The following C8orf89 variants were observed in gnomAD, a reference collection of about 807,000 sequenced individuals.
The protein encoded by C8orf89 is putative uncharacterized protein C8orf89.
Under a neutral mutation model 15.8 loss-of-function variants are expected in C8orf89, and 14 were observed. The ratio of observed to expected loss-of-function variants is 0.89; its 90% CI spans 0.59 to 1.39. The LOEUF is 1.39. Among genes scored for constraint, C8orf89 ranks in the 40% most tolerant of loss-of-function variants. The probability of loss-of-function intolerance (pLI) is 0.00; values close to 1 mark genes in which losing one functional copy is unlikely to be tolerated. For missense variants in C8orf89, 181 were observed against 184.5 expected, an observed-to-expected ratio of 0.98 and a Z score of 0.11; for synonymous variants, 55 against 62.2, an observed-to-expected ratio of 0.88 and a Z score of 0.54.
At chr8:73,268,168 T>C in the C8orf89 span, among the ~76,000 whole-genome samples, 3 of 152,136 alleles carry the variant, frequency 2.0e-5, no homozygotes, top group South Asian at 2.1e-4. Context: ...GGATAATCTA[T>C]AGATTAAAAG....
At chr8:73,242,933 A>C (rs545266248) in intron 3 of C8orf89, among the ~76,000 whole-genome samples, 1 of 152,340 alleles carries the variant, frequency 6.6e-6, no homozygotes, top group South Asian at 2.1e-4. Context: ...GAATGGATGA[A>C]GAAAATGTGG....
chr8:73,259,324 A>G lies in C8orf89; in HGVS notation c.127+8T>C. 3 of 1,475,508 alleles carry G rather than the reference A, an allele frequency of 2.0e-6. No individual in the cohort carries two copies. Among genetic ancestry groups the G allele is most frequent in the Non-Finnish European group, 2.7e-6 (3 of 1,102,616 alleles). 91.4% of individuals were successfully genotyped at this position (1,475,508 alleles called of 1,614,324 possible). On this transcript the variant is annotated splice_region_variant and intron_variant, in intron 1 of 3. Transcript: ENST00000624510. ...TTTTCTTAAGGAAAATAATAACAATAAAGTTACCTTTCTTAATCTTTTGTG... is the reference window on the plus strand; with the variant it reads ...TTTTCTTAAGGAAAATAATAACAATGAAGTTACCTTTCTTAATCTTTTGTG...
chr8:73,241,525 CAT>C lies in C8orf89; in HGVS notation c.416_417del (p.Tyr139Ter). 6.5e-7 allele frequency: 1 copy of C among 1,533,050 alleles called. No individual in the cohort carries two copies. Among genetic ancestry groups the C allele is most frequent in the Non-Finnish European group, 8.7e-7 (1 of 1,145,126 alleles). 95.0% of individuals were successfully genotyped at this position (1,533,050 alleles called of 1,614,324 possible). A position where few individuals can be genotyped will look rare whatever the true frequency, so the allele number is the denominator to read the frequency against. On this transcript the variant is annotated frameshift_variant, in exon 4 of 4. Coordinates refer to ENST00000624510, the MANE Select transcript of C8orf89 (RefSeq NM_001243237.3). LOFTEE classifies it high-confidence loss of function. The stretch of plus-strand genomic sequence containing the variant: ...GTGGTTGTTTCCTGACGAATGGTAT[CAT>C]ATTCCAATATGGCTATTTTGGAAAG... ...ERLSKIAILE[Y>X]DTIRQETTTK...
At chr8:73,270,973 G>A in the C8orf89 span, among the ~76,000 whole-genome samples, 2 of 152,170 alleles carry the variant, frequency 1.3e-5, no homozygotes, top group African/African-American at 4.8e-5. Flanking sequence ...CACAGCCTGT[G>A]AATCAAGAAA....
chr8:73,265,200 C>T, the C8orf89 span, among the ~76,000 whole-genome samples: 2 of 152,076 alleles, frequency 1.3e-5, no homozygotes, highest in Non-Finnish European at 2.9e-5. Flanking sequence ...TTAATTTCAC[C>T]TGTCTCTTTT....
chr8:73,265,382 C>T, the C8orf89 span, among the ~76,000 whole-genome samples: 70 of 152,240 alleles, frequency 4.6e-4, 1 homozygote, highest in African/African-American at 1.7e-3. Context: ...CATCAGAAGG[C>T]TTTGAATAGG....
intron 3 of C8orf89, among the ~76,000 whole-genome samples, chr8:73,243,683 T>C (rs1267645616): frequency 1.3e-5 from 2 of 151,936 alleles, no homozygotes; most frequent in Admixed American, 6.6e-5. Context: ...GCGTGTGCCA[T>C]CATGCCCAGC....
chr8:73,255,484 G>T (rs901991432), intron 2 of C8orf89, among the ~76,000 whole-genome samples: 1 of 152,162 alleles, frequency 6.6e-6, no homozygotes, highest in Non-Finnish European at 1.5e-5. Flanking sequence ...TGCTAGAGAG[G>T]ATGTGGAGAA....
chr8:73,251,360 G>A (rs998978530), intron 2 of C8orf89, among the ~76,000 whole-genome samples: 4 of 152,200 alleles, frequency 2.6e-5, no homozygotes, highest in Admixed American at 6.5e-5. Context: ...TTCACAGGCC[G>A]CTGTGCAATG....
the C8orf89 span, among the ~76,000 whole-genome samples, chr8:73,278,664 T>C: frequency 6.6e-6 from 1 of 152,242 alleles, no homozygotes. Context: ...GTTTTGATTC[T>C]TATTGTTGAG....
At chr8:73,269,742 C>T in the C8orf89 span, among the ~76,000 whole-genome samples, 5 of 152,160 alleles carry the variant, frequency 3.3e-5, no homozygotes, top group Admixed American at 6.5e-5. Flanking sequence ...CTTAGGGGCT[C>T]CCATGACATA....
At chr8:73,245,661 G>A (rs1438977371) in intron 3 of C8orf89, among the ~76,000 whole-genome samples, 8 of 152,000 alleles carry the variant, frequency 5.3e-5, no homozygotes, top group Non-Finnish European at 7.4e-5. Flanking sequence ...ATATAATATT[G>A]GGAAAAGAGG....
At chr8:73,269,955 G>T in the C8orf89 span, among the ~76,000 whole-genome samples, 104 of 152,224 alleles carry the variant, frequency 6.8e-4, no homozygotes, top group Middle Eastern at 3.4e-3. Flanking sequence ...ATATTAAGAA[G>T]GTAAGGGGTT....
intron 3 of C8orf89, among the ~76,000 whole-genome samples, chr8:73,243,922 G>A (rs2130243848): frequency 6.6e-6 from 1 of 152,004 alleles, no homozygotes; most frequent in Middle Eastern, 3.4e-3. Context: ...AATTACATTG[G>A]TGCAAAAGTA....
At chr8:73,274,143 C>T in the C8orf89 span, among the ~76,000 whole-genome samples, 1 of 151,946 alleles carries the variant, frequency 6.6e-6, no homozygotes, top group South Asian at 2.1e-4. Flanking sequence ...ATTTAGTATA[C>T]AGCAGACCAT....
the C8orf89 span, among the ~76,000 whole-genome samples, chr8:73,282,378 C>G: frequency 6.6e-6 from 1 of 151,866 alleles, no homozygotes; most frequent in South Asian, 2.1e-4. Context: ...GGGGGAGATT[C>G]AAAAAAGACT....
At chr8:73,262,730 C>A (rs1000109472), upstream of C8orf89, among the ~76,000 whole-genome samples, 5 of 151,228 alleles carry the variant, frequency 3.3e-5, no homozygotes, top group Non-Finnish European at 5.9e-5. Flanking sequence ...GGTGATAGGA[C>A]TGCTTGAGCC....
chr8:73,285,391 A>G, the C8orf89 span, among the ~76,000 whole-genome samples: 2 of 152,166 alleles, frequency 1.3e-5, no homozygotes, highest in East Asian at 3.9e-4. Flanking sequence ...TCAGGTCCCC[A>G]TGCTCAGATG....
the C8orf89 span, among the ~76,000 whole-genome samples, chr8:73,271,355 T>C: frequency 2.0e-5 from 3 of 152,098 alleles, no homozygotes; most frequent in African/African-American, 7.2e-5. Flanking sequence ...AGGTGCCTCT[T>C]CTCCTGGCAG....
Sources: allele counts gnomAD v4.1 joint callset (sites outside exome capture counted in the v4.1 genomes callset), GRCh38; gene constraint gnomAD v4.1.1; transcripts MANE v1.5; gene names NCBI Gene and HGNC (gene_info 2026-07-23, HGNC 2026-07-21).